The following DCDC2 variants were observed in gnomAD, a reference collection of about 807,000 sequenced individuals.
The protein encoded by DCDC2 is doublecortin domain containing 2.
Under a neutral mutation model 50.2 loss-of-function variants are expected in DCDC2, and 40 were observed. The observed-to-expected ratio is 0.80, with a 90% CI of 0.62 to 1.04. The LOEUF (loss-of-function observed/expected upper bound fraction) is 1.04, where lower values mean the gene tolerates loss of function less well. Among genes scored for constraint, DCDC2 ranks in the 50% least tolerant of loss-of-function variants. The pLI is 0.00. For synonymous variants in DCDC2, 234 were observed against 210.6 expected (o/e 1.11, Z -0.96); for missense variants, 570 against 581.9 (o/e 0.98, Z 0.21).
At chr6:24,189,410 G>A (rs1240242438) in intron 8 of DCDC2, among the ~76,000 whole-genome samples, 1 of 152,160 alleles carries the variant, frequency 6.6e-6, no homozygotes, top group African/African-American at 2.4e-5. Flanking sequence ...TTACTTGGAA[G>A]GTATTTCCAC....
the DCDC2 span, among the ~76,000 whole-genome samples, chr6:24,381,627 G>C: frequency 3.9e-5 from 6 of 152,104 alleles, no homozygotes; most frequent in Non-Finnish European, 8.8e-5. Context: ...TCTTTACACA[G>C]ATTCTTAGAG....
intron 2 of DCDC2, among the ~76,000 whole-genome samples, chr6:24,339,826 A>G (rs1388833578): frequency 6.6e-6 from 1 of 152,236 alleles, no homozygotes; most frequent in Non-Finnish European, 1.5e-5. Context: ...TATTTATAAT[A>G]AGTGTTGGAT....
chr6:24,316,241 T>C (rs1759657709), intron 2 of DCDC2, among the ~76,000 whole-genome samples: 2 of 152,018 alleles, frequency 1.3e-5, no homozygotes, highest in Admixed American at 1.3e-4. Context: ...TGATCATATT[T>C]AAAGCCATGA....
At chr6:24,322,889 G>A (rs929046688) in intron 2 of DCDC2, among the ~76,000 whole-genome samples, 2 of 152,180 alleles carry the variant, frequency 1.3e-5, no homozygotes, top group Admixed American at 1.3e-4. Flanking sequence ...GATCTCCTGA[G>A]GGCTGTGTCA....
At chr6:24,308,706 A>T (rs4712820) in intron 2 of DCDC2, among the ~76,000 whole-genome samples, 116,861 of 151,882 alleles carry the variant, frequency 0.77, 47,591 homozygotes, top group East Asian at 0.99. Flanking sequence ...AAATGATAAA[A>T]TAAGAGGAAT....
intron 7 of DCDC2, among the ~76,000 whole-genome samples, chr6:24,250,939 T>A (rs1762781999): frequency 6.6e-6 from 1 of 152,176 alleles, no homozygotes; most frequent in Non-Finnish European, 1.5e-5. Context: ...TTTGAACCAT[T>A]ACTGATAAGC....
intron 7 of DCDC2, among the ~76,000 whole-genome samples, chr6:24,226,085 T>C (rs1438941507): frequency 6.6e-6 from 1 of 152,204 alleles, no homozygotes; most frequent in African/African-American, 2.4e-5. Context: ...ATAAAAGATG[T>C]CTAAAACATA....
intron 2 of DCDC2, among the ~76,000 whole-genome samples, chr6:24,335,035 T>A (rs1176135436): frequency 6.6e-6 from 1 of 152,206 alleles, no homozygotes. Context: ...AAAAGACTTG[T>A]ACAACCCTCT....
chr6:24,347,714 T>G (rs1760292734), intron 2 of DCDC2, among the ~76,000 whole-genome samples: 1 of 152,200 alleles, frequency 6.6e-6, no homozygotes, highest in African/African-American at 2.4e-5. Context: ...ATAACTCTAC[T>G]TGTTGCATGA....
the DCDC2 span, among the ~76,000 whole-genome samples, chr6:24,374,678 A>G: frequency 1.3e-5 from 2 of 151,936 alleles, no homozygotes; most frequent in Non-Finnish European, 2.9e-5. Flanking sequence ...GATGAGATGA[A>G]CAGGAAATAA....
At chr6:24,364,997 T>C in the DCDC2 span, among the ~76,000 whole-genome samples, 1 of 152,216 alleles carries the variant, frequency 6.6e-6, no homozygotes, top group East Asian at 1.9e-4. Context: ...GAACAGGAAC[T>C]TGAGGGCCTT....
intron 2 of DCDC2, among the ~76,000 whole-genome samples, chr6:24,337,780 A>C (rs889175786): frequency 4.2e-5 from 6 of 142,296 alleles, no homozygotes; most frequent in African/African-American, 1.6e-4. Context: ...CCTGGGCCAT[A>C]GAGCAAGACT....
chr6:24,238,777 G>A lies in DCDC2; in HGVS notation c.923-33675C>T, dbSNP rs141599679. On this transcript the variant is annotated intron_variant, in intron 7 of 9. Transcript: ENST00000378454. ...CAGATGGAAGAGACATGTCCTCCAC[G>A]CAGTTCTGCAGATAGCCCCATCAGG... Among the ~76,000 whole-genome samples the A allele has an allele frequency of 8.5e-5, 13 of 152,246 alleles. 2 individuals carry two copies. Among genetic ancestry groups the A allele is most frequent in the African/African-American group, 2.6e-4 (11 of 41,544 alleles).
At chr6:24,312,617 T>C (rs3846832) in intron 2 of DCDC2, among the ~76,000 whole-genome samples, 70,615 of 152,032 alleles carry the variant, frequency 0.46, 19,924 homozygotes, top group Non-Finnish European at 0.6. Context: ...GTCCTATTGG[T>C]CCCCATGTTG....
At chr6:24,361,617 T>C (rs970068665), upstream of DCDC2, among the ~76,000 whole-genome samples, 7 of 152,252 alleles carry the variant, frequency 4.6e-5, no homozygotes, top group Middle Eastern at 3.4e-3. Context: ...TATGTGGAAA[T>C]GGAAGGCAAT....
intron 7 of DCDC2, among the ~76,000 whole-genome samples, chr6:24,272,414 A>G (rs1763257005): frequency 6.6e-6 from 1 of 152,198 alleles, no homozygotes; most frequent in South Asian, 2.1e-4. Context: ...CACAGTACAC[A>G]TTGCCATTGA....
At chr6:24,314,449 T>G (rs961870662) in intron 2 of DCDC2, among the ~76,000 whole-genome samples, 17 of 151,838 alleles carry the variant, frequency 1.1e-4, no homozygotes, top group Admixed American at 2.0e-4. Flanking sequence ...TATATTCCAG[T>G]CTGGGCAACA....
chr6:24,302,442 T>C (rs1402197267), intron 2 of DCDC2, among the ~76,000 whole-genome samples: 1 of 152,078 alleles, frequency 6.6e-6, no homozygotes, highest in African/African-American at 2.4e-5. Context: ...TGTTCCATCA[T>C]CTTTCCTTTC....
intron 9 of DCDC2, 54 bp from the exon 10 acceptor site, chr6:24,174,888 A>G: frequency 1.7e-6 from 2 of 1,146,726 alleles, no homozygotes; most frequent in Non-Finnish European, 2.5e-6. Flanking sequence ...TCACAAAGGT[A>G]ATGACATTTA....
Sources: gnomAD v4.1 joint callset for allele counts (sites outside exome capture counted in the v4.1 genomes callset) on GRCh38, gnomAD v4.1.1 for gene constraint, MANE v1.5 for transcripts, NCBI Gene and HGNC (gene_info 2026-07-23, HGNC 2026-07-21) for gene names.